The following ADAMTSL1 variants were observed in gnomAD, a reference collection of about 807,000 sequenced individuals.
ADAMTSL1 encodes ADAMTS-like protein 1.
Under a neutral mutation model 201.8 loss-of-function variants are expected in ADAMTSL1, and 126 were observed. The ratio of observed to expected loss-of-function variants is 0.62; its 90% CI spans 0.54 to 0.72. The LOEUF is 0.72. Ranked by LOEUF, ADAMTSL1 falls within the 30% of genes least tolerant of loss-of-function variation. ADAMTSL1 has a pLI of 0.00. For missense variants in ADAMTSL1, 2,679 were observed against 2,277.8 expected (o/e 1.18, Z -3.59); for synonymous variants, 1,121 against 903.4 (o/e 1.24, Z -4.32).
At chr9:18,566,552 T>C (rs1821905938) in intron 3 of ADAMTSL1, among the ~76,000 whole-genome samples, 1 of 152,162 alleles carries the variant, frequency 6.6e-6, no homozygotes, top group Non-Finnish European at 1.5e-5. Context: ...GTGGAGGTGA[T>C]ATTTGAGCAA....
chr9:18,584,418 A>G (rs897956679), intron 4 of ADAMTSL1, among the ~76,000 whole-genome samples: 5 of 151,954 alleles, frequency 3.3e-5, no homozygotes, highest in African/African-American at 7.3e-5. Context: ...TTTCTTTTGT[A>G]AATTGCTCAG....
chr9:18,802,229 C>A (rs1487982432), intron 20 of ADAMTSL1, among the ~76,000 whole-genome samples: 6 of 152,074 alleles, frequency 3.9e-5, no homozygotes, highest in African/African-American at 7.2e-5. Flanking sequence ...TGAGCCAATA[C>A]CACTGCACTC....
chr9:18,065,997 A>AG (rs1822680848), intron 1 of ADAMTSL1, among the ~76,000 whole-genome samples: 2 of 149,940 alleles, frequency 1.3e-5, no homozygotes, highest in African/African-American at 4.9e-5. Context: ...AAAAAAAAAA[A>AG]AAAAAAAAAA....
intron 1 of ADAMTSL1, among the ~76,000 whole-genome samples, chr9:18,092,548 G>A (rs538417736): frequency 7.9e-5 from 12 of 152,258 alleles, no homozygotes; most frequent in South Asian, 4.1e-4. Context: ...ATTGAGAAAT[G>A]ACTCCAGTGA....
At chr9:18,393,793 C>G (rs576532432) in intron 2 of ADAMTSL1, among the ~76,000 whole-genome samples, 2 of 152,268 alleles carry the variant, frequency 1.3e-5, no homozygotes, top group East Asian at 3.9e-4. Context: ...TGGCAGCCAT[C>G]CCACAACCTT....
chr9:18,803,438 A>G (rs1277777610), intron 20 of ADAMTSL1, among the ~76,000 whole-genome samples: 1 of 152,180 alleles, frequency 6.6e-6, no homozygotes, highest in Non-Finnish European at 1.5e-5. Flanking sequence ...CTACCTTGAT[A>G]ACTTAGAATA....
At position 18,793,991 on chromosome 9, in the gene ADAMTSL1, G is replaced by A. The variant is rs199916120; in HGVS notation, c.3678-1406G>A. Among the ~76,000 whole-genome samples the A allele has an allele frequency of 5.9e-5, 9 of 151,860 alleles. No homozygotes were observed. In the East Asian group the frequency reaches 1.7e-3, roughly 29 times the overall value. The stretch of plus-strand genomic sequence containing the variant: ...GGAGTGGGTTTGAAGCTCACTGTAG[G>A]CACTCACAGTTTGATTCTTTTAAGT... On this transcript the variant is annotated intron_variant, in intron 19 of 28. Coordinates refer to ENST00000380548, the MANE Select transcript of ADAMTSL1 (RefSeq NM_001040272.6).
chr9:18,892,923 C>A (rs77765938), intron 26 of ADAMTSL1, among the ~76,000 whole-genome samples: 2 of 151,920 alleles, frequency 1.3e-5, no homozygotes, highest in Non-Finnish European at 2.9e-5. Flanking sequence ...AAACAATCAC[C>A]GGCGACTTTC....
At chr9:18,769,993 C>T (rs567662051) in intron 16 of ADAMTSL1, among the ~76,000 whole-genome samples, 1 of 152,306 alleles carries the variant, frequency 6.6e-6, no homozygotes, top group East Asian at 1.9e-4. Flanking sequence ...CTGAAAACCA[C>T]TGACATGAGG....
chr9:18,721,252 T>A (rs907462557), intron 14 of ADAMTSL1, among the ~76,000 whole-genome samples: 2 of 152,228 alleles, frequency 1.3e-5, no homozygotes, highest in African/African-American at 4.8e-5. Context: ...TCGTGGCATT[T>A]TTTTAAGCAT....
intron 1 of ADAMTSL1, among the ~76,000 whole-genome samples, chr9:17,937,636 T>TCACTCAGGTACCTC (rs372965640): frequency 0.93 from 141,229 of 151,330 alleles, 66,104 homozygotes; most frequent in Non-Finnish European, 0.97. Flanking sequence ...ATCTTGTTGA[T>TCACTCAGGTACCTC]TTAAATTCCT....
intron 1 of ADAMTSL1, among the ~76,000 whole-genome samples, chr9:18,035,903 T>C (rs976136837): frequency 6.6e-6 from 1 of 152,170 alleles, no homozygotes; most frequent in Non-Finnish European, 1.5e-5. Flanking sequence ...CTATATATGC[T>C]AAGAGCTGTG....
chr9:18,666,549 C>A (rs151101476), intron 9 of ADAMTSL1, among the ~76,000 whole-genome samples: 1 of 152,236 alleles, frequency 6.6e-6, no homozygotes, highest in African/African-American at 2.4e-5. Flanking sequence ...GTTCTGTATG[C>A]TTTCCCATGT....
chr9:18,838,898 C>G (rs1825514428), intron 23 of ADAMTSL1, among the ~76,000 whole-genome samples: 2 of 151,038 alleles, frequency 1.3e-5, no homozygotes, highest in Admixed American at 6.6e-5. Flanking sequence ...AAAAAAAAAC[C>G]TAAAATATGT....
At chr9:18,885,963 T>G (rs547837595) in intron 23 of ADAMTSL1, among the ~76,000 whole-genome samples, 29 of 151,756 alleles carry the variant, frequency 1.9e-4, no homozygotes, top group African/African-American at 7.0e-4. Context: ...CTTGTGTAAA[T>G]TTTAACAGTT....
At chr9:18,597,628 A>C (rs1402226265) in intron 4 of ADAMTSL1, among the ~76,000 whole-genome samples, 1 of 152,150 alleles carries the variant, frequency 6.6e-6, no homozygotes, top group East Asian at 1.9e-4. Context: ...TTGTTTAAAA[A>C]ATGTTAAAAA....
intron 2 of ADAMTSL1, among the ~76,000 whole-genome samples, chr9:18,418,351 G>A (rs1190481320): frequency 2.0e-5 from 3 of 152,042 alleles, no homozygotes; most frequent in Admixed American, 1.3e-4. Context: ...CATTGTACTG[G>A]GAGTCCTAGC....
chr9:18,206,988 A>T (rs1488352592), intron 2 of ADAMTSL1, among the ~76,000 whole-genome samples: 3 of 152,008 alleles, frequency 2.0e-5, no homozygotes, highest in Non-Finnish European at 4.4e-5. Flanking sequence ...AACATGGTGA[A>T]ACCCCGTCTC....
chr9:18,033,270 TAA>T (rs572992310), intron 1 of ADAMTSL1, among the ~76,000 whole-genome samples: 105 of 152,304 alleles, frequency 6.9e-4, no homozygotes, highest in African/African-American at 2.3e-3. Context: ...TCCAAAGAAA[TAA>T]GTCTGTCATC....
Sources: allele counts gnomAD v4.1 joint callset (sites outside exome capture counted in the v4.1 genomes callset), GRCh38; gene constraint gnomAD v4.1.1; transcripts MANE v1.5; gene names NCBI Gene and HGNC (gene_info 2026-07-23, HGNC 2026-07-21).